Variants in FRYL observed in about 807,000 individuals in gnomAD.
FRYL encodes FRY like transcription coactivator, also known as protein furry homolog-like.
Under a neutral mutation model 351.2 loss-of-function variants are expected in FRYL, and 150 were observed. The observed-to-expected ratio is 0.43, with a 90% CI of 0.37 to 0.49. The LOEUF (loss-of-function observed/expected upper bound fraction) is 0.49. Ranked by LOEUF, FRYL falls within the 20% of genes least tolerant of loss-of-function variation. The pLI, the probability that FRYL is intolerant of heterozygous loss-of-function variation, is 0.00. For synonymous variants in FRYL, 1,153 were observed against 1,257.1 expected, an observed-to-expected ratio of 0.92 and a Z score of 1.75; for missense variants, 3,036 against 3,619.3, an observed-to-expected ratio of 0.84 and a Z score of 4.13.
At chr4:48,647,049 T>C (rs1756643251) in intron 3 of FRYL, among the ~76,000 whole-genome samples, 1 of 152,050 alleles carries the variant, frequency 6.6e-6, no homozygotes, top group African/African-American at 2.4e-5. Flanking sequence ...GGTTCCACAT[T>C]TGAAGGAAAT....
intron 3 of FRYL, 54 bp from the exon 4 acceptor site, chr4:48,634,544 C>A: frequency 7.6e-7 from 1 of 1,316,700 alleles, no homozygotes; most frequent in Non-Finnish European, 1.1e-6. Flanking sequence ...CTCAAGAGGT[C>A]TACCATAACT....
At chr4:48,579,759 C>A (rs191890576) in intron 22 of FRYL, among the ~76,000 whole-genome samples, 1 of 152,242 alleles carries the variant, frequency 6.6e-6, no homozygotes, top group Admixed American at 6.5e-5. Flanking sequence ...AGAAACAAGT[C>A]ATCCATTACT....
At chr4:48,503,506 T>C (rs1318987940) in intron 60 of FRYL, among the ~76,000 whole-genome samples, 7 of 152,218 alleles carry the variant, frequency 4.6e-5, no homozygotes, top group Non-Finnish European at 1.0e-4. Flanking sequence ...CAACATAATG[T>C]ATGTAAAACA....
At chr4:48,578,924 A>G in intron 23 of FRYL, 49 bp downstream of exon 23, 1 of 1,477,736 alleles carries the variant, frequency 6.8e-7, no homozygotes, top group South Asian at 1.3e-5. Flanking sequence ...ATACATATGA[A>G]AGCTGACAGT....
At chr4:48,518,845 C>T (rs1254409019) in intron 55 of FRYL, among the ~76,000 whole-genome samples, 1 of 152,206 alleles carries the variant, frequency 6.6e-6, no homozygotes, top group African/African-American at 2.4e-5. Flanking sequence ...TAAGATGAGA[C>T]ATATTATTTA....
chr4:48,517,234 T>C (rs1000523812), intron 55 of FRYL, among the ~76,000 whole-genome samples: 1 of 152,214 alleles, frequency 6.6e-6, no homozygotes, highest in Non-Finnish European at 1.5e-5. Context: ...AGAATATTTA[T>C]TGGCATGAAT....
chr4:48,738,627 A>G (rs187528615), intron 1 of FRYL, among the ~76,000 whole-genome samples: 56 of 150,036 alleles, frequency 3.7e-4, no homozygotes, highest in African/African-American at 1.3e-3. Context: ...TCTCCCCAGT[A>G]GTTGGGACTA....
chr4:48,551,533 T>C lies in FRYL; in HGVS notation c.4481A>G (p.Asn1494Ser), dbSNP rs1249914652. ...SNTMVAPTDG[N>S]PDNKPIKENI... ...CTCTTTAATGGGCTTATTATCAGGATTGCCATCTGTGGGAGCTACCATTGT... is the reference window on the plus strand; with the variant it reads ...CTCTTTAATGGGCTTATTATCAGGACTGCCATCTGTGGGAGCTACCATTGT... The change falls in exon 37 of 64, where the codon AAT becomes AGT. Residue 1494 changes from asparagine to serine, a missense_variant. Physicochemically the swap from Asn to Ser is conservative, Grantham distance 46. This residue lies in a region of FRYL where 1,987 missense variants were observed against 2,311.7 expected (regional missense o/e 0.86). Coordinates refer to ENST00000358350, the MANE Select transcript of FRYL (RefSeq NM_015030.2). 3.7e-6 allele frequency: 6 copies of C among 1,612,012 alleles called. No individual in the cohort carries two copies. The highest frequency in any genetic ancestry group is 2.2e-5 in the South Asian group (2 of 90,842).
intron 3 of FRYL, chr4:48,681,153 C>T: frequency 9.1e-7 from 1 of 1,099,130 alleles, no homozygotes; most frequent in Non-Finnish European, 1.2e-6. Flanking sequence ...TTACTAGGCC[C>T]ACAAGCACAC....
intron 1 of FRYL, among the ~76,000 whole-genome samples, chr4:48,713,818 A>AT (rs1317098780): frequency 6.6e-6 from 1 of 152,142 alleles, no homozygotes; most frequent in Non-Finnish European, 1.5e-5. Flanking sequence ...CAGAATATAC[A>AT]TTTTTTTCAG....
intron 35 of FRYL, among the ~76,000 whole-genome samples, chr4:48,554,762 A>G (rs1308323170): frequency 6.6e-6 from 1 of 152,188 alleles, no homozygotes; most frequent in Non-Finnish European, 1.5e-5. Context: ...TGCTGTGTGC[A>G]TTCCTGCCTT....
intron 2 of FRYL, among the ~76,000 whole-genome samples, chr4:48,687,211 C>A (rs1378007522): frequency 6.6e-6 from 1 of 151,984 alleles, no homozygotes; most frequent in Non-Finnish European, 1.5e-5. Flanking sequence ...TATTTTGAGA[C>A]AGTGAAGGTC....
chr4:48,523,841 A>G (rs1213672736), intron 53 of FRYL, among the ~76,000 whole-genome samples: 1 of 152,260 alleles, frequency 6.6e-6, no homozygotes, highest in Non-Finnish European at 1.5e-5. Context: ...ATACAAGGTC[A>G]CAATTATTTC....
At chr4:48,612,959 T>C (rs1748548390) in intron 7 of FRYL, among the ~76,000 whole-genome samples, 1 of 152,176 alleles carries the variant, frequency 6.6e-6, no homozygotes, top group African/African-American at 2.4e-5. Context: ...TTAAACTTTA[T>C]TATGAGTATG....
intron 48 of FRYL, 41 bp downstream of exon 48, chr4:48,535,598 CACACACACACACACACAT>C (rs1728711755): frequency 4.1e-6 from 4 of 977,600 alleles, no homozygotes; most frequent in Non-Finnish European, 5.7e-6. Context: ...CACACACACA[CACACACACACACACACAT>C]ATATATATAG....
intron 38 of FRYL, 29 bp downstream of exon 38, chr4:48,550,563 T>A (rs777488357): frequency 1.5e-6 from 2 of 1,303,666 alleles, no homozygotes; most frequent in South Asian, 2.4e-5. Flanking sequence ...ACCCTTATAG[T>A]TATATTAAAA....
Position 48,512,699 on chromosome 4 carries a change from A to T in FRYL, c.7938-11T>A, listed in dbSNP as rs1722730036. The T allele has an allele frequency of 1.3e-6, 2 of 1,586,816 alleles. No individual in the cohort carries two copies. Among genetic ancestry groups the T allele is most frequent in the South Asian group, 1.1e-5 (1 of 90,486 alleles). On this transcript the variant is annotated splice_polypyrimidine_tract_variant and intron_variant, in intron 56 of 63. Coordinates refer to ENST00000358350, the MANE Select transcript of FRYL (RefSeq NM_015030.2). ...TCTTCTTCATCTTGACTATTAACACAGATATCATAAATATCATAACACTAT... is the reference window on the plus strand; with the variant it reads ...TCTTCTTCATCTTGACTATTAACACTGATATCATAAATATCATAACACTAT...
At chr4:48,770,378 A>G (rs1300925704) in intron 1 of FRYL, among the ~76,000 whole-genome samples, 1 of 152,132 alleles carries the variant, frequency 6.6e-6, no homozygotes, top group East Asian at 1.9e-4. Context: ...ATTTTAAATT[A>G]TTTGAAAATG....
chr4:48,730,011 A>G (rs1299627222), intron 1 of FRYL, among the ~76,000 whole-genome samples: 1 of 152,220 alleles, frequency 6.6e-6, no homozygotes, highest in Non-Finnish European at 1.5e-5. Flanking sequence ...ATGGCTAATT[A>G]GAATAACCAG....
Sources: gnomAD v4.1 joint callset for allele counts (sites outside exome capture counted in the v4.1 genomes callset) on GRCh38, gnomAD v4.1.1 for gene constraint, gnomAD v4.1.1 regional missense constraint, MANE v1.5 for transcripts, NCBI Gene and HGNC (gene_info 2026-07-23, HGNC 2026-07-21) for gene names.